The following TSHZ3 variants were observed in gnomAD, a reference collection of about 807,000 sequenced individuals.
The protein encoded by TSHZ3 is teashirt homolog 3.
TSHZ3 carries 10 observed loss-of-function variants against 64.5 expected under a neutral mutation model. The observed-to-expected ratio is 0.16, with a 90% CI of 0.10 to 0.26. The LOEUF (loss-of-function observed/expected upper bound fraction) is 0.26. TSHZ3 is among the 10% of genes least tolerant of loss of function. The pLI is 1.00. For synonymous variants in TSHZ3, 608 were observed against 593.1 expected (o/e 1.03, Z -0.36); for missense variants, 1,242 against 1,421.7 (o/e 0.87, Z 2.03).
chr19:31,348,866 G>C, intron 1 of TSHZ3: 2 of 324,462 alleles, frequency 6.2e-6, no homozygotes, highest in Admixed American at 5.0e-5. Flanking sequence ...CCCACAGAAA[G>C]AGCCAGGCCG....
intron 4 of TSHZ3, among the ~76,000 whole-genome samples, chr19:31,213,356 CAAAAAAAAAAAAAAAAAA>C (rs35192337): frequency 2.1e-4 from 5 of 23,310 alleles, no homozygotes; most frequent in South Asian, 5.7e-3. Context: ...GACTCTGTCT[CAAAAAAAAAAAAAAAAAA>C]AAAAAAAAAA....
intron 5 of TSHZ3, among the ~76,000 whole-genome samples, chr19:31,185,746 C>T (rs531260100): frequency 5.3e-5 from 8 of 152,316 alleles, no homozygotes; most frequent in East Asian, 1.9e-4. Flanking sequence ...TGCACAGCCA[C>T]GTGCAATTCA....
At chr19:31,165,352 T>C (rs1248522831) in intron 5 of TSHZ3, among the ~76,000 whole-genome samples, 2 of 152,194 alleles carry the variant, frequency 1.3e-5, no homozygotes, top group Admixed American at 6.5e-5. Flanking sequence ...TAGGATTTTT[T>C]CCCCACTGTG....
In TSHZ3 at chr19:31,279,601, G is replaced by A. The variant is rs375736734; in HGVS notation, c.192C>T (p.Ala64=). 5.1e-5 allele frequency: 83 copies of A among 1,612,018 alleles called. No homozygotes were observed. The highest frequency in any genetic ancestry group is 6.7e-5 in the East Asian group (3 of 44,858). The change falls in exon 2 of 2, where the codon GCC becomes GCT. Residue 64 remains alanine, a synonymous_variant. Coordinates refer to ENST00000240587, the MANE Select transcript of TSHZ3 (RefSeq NM_020856.4). This position sits in a 1 kb window ranked among gnomAD's most constrained non-coding sequence, Gnocchi z 6.4. ...RACPSYQNSP[A]AEFSCHEMDS... ...CCATTTCATGGCAGGAAAACTCGGCGGCCGGGGAGTTCTGGTAGCTGGGGC... is the reference window on the plus strand; with the variant it reads ...CCATTTCATGGCAGGAAAACTCGGCAGCCGGGGAGTTCTGGTAGCTGGGGC...
chr19:31,260,863 G>A (rs552894230), intron 1 of TSHZ3, among the ~76,000 whole-genome samples: 1 of 152,190 alleles, frequency 6.6e-6, no homozygotes, highest in Non-Finnish European at 1.5e-5. Flanking sequence ...TGAACTCAAA[G>A]GTTGTGAGAA....
intron 5 of TSHZ3, among the ~76,000 whole-genome samples, chr19:31,171,617 A>T (rs1170620606): frequency 6.6e-6 from 1 of 152,082 alleles, no homozygotes; most frequent in Admixed American, 6.5e-5. Flanking sequence ...AAAAGAAAAA[A>T]AAAAACCCAT....
chr19:31,251,332 G>T (rs139021168), intron 1 of TSHZ3, among the ~76,000 whole-genome samples: 48 of 152,292 alleles, frequency 3.2e-4, no homozygotes, highest in African/African-American at 1.1e-3. Flanking sequence ...AGCAAAGGAA[G>T]CTGAAACCCA....
intron 5 of TSHZ3, among the ~76,000 whole-genome samples, chr19:31,183,598 C>A (rs1974758364): frequency 6.6e-6 from 1 of 152,118 alleles, no homozygotes; most frequent in Non-Finnish European, 1.5e-5. Flanking sequence ...AGGTTGGGAA[C>A]CAGGTGTGTT....
intron 1 of TSHZ3, among the ~76,000 whole-genome samples, chr19:31,290,402 G>C (rs1976543104): frequency 6.6e-6 from 1 of 152,072 alleles, no homozygotes; most frequent in South Asian, 2.1e-4. Flanking sequence ...AGATGGCAGG[G>C]GGAAGTGTGG....
intron 5 of TSHZ3, among the ~76,000 whole-genome samples, chr19:31,175,185 C>T (rs1212884886): frequency 6.6e-6 from 1 of 152,198 alleles, no homozygotes; most frequent in Non-Finnish European, 1.5e-5. Flanking sequence ...TGGATAGACA[C>T]AGGTCAGTTT....
intron 1 of TSHZ3, among the ~76,000 whole-genome samples, chr19:31,282,322 C>T (rs932225841): frequency 1.3e-5 from 2 of 152,116 alleles, no homozygotes; most frequent in African/African-American, 2.4e-5. Context: ...AAACCCCACA[C>T]CCTGGGGATT....
At chr19:31,238,123 A>G (rs979746767) in intron 3 of TSHZ3, among the ~76,000 whole-genome samples, 1 of 152,106 alleles carries the variant, frequency 6.6e-6, no homozygotes, top group Non-Finnish European at 1.5e-5. Context: ...GGATATTGTT[A>G]TATTAATCTT....
intron 1 of TSHZ3, among the ~76,000 whole-genome samples, chr19:31,340,460 T>C (rs1193936339): frequency 7.9e-6 from 1 of 125,898 alleles, no homozygotes; most frequent in Admixed American, 8.9e-5. Flanking sequence ...CTGAAACTGA[T>C]CAAGAACATG....
chr19:31,292,292 G>A (rs1976580140), intron 1 of TSHZ3, among the ~76,000 whole-genome samples: 1 of 152,172 alleles, frequency 6.6e-6, no homozygotes, highest in South Asian at 2.1e-4. Flanking sequence ...GATTCTCAGG[G>A]GGTAGCTGAT....
chr19:31,274,560 C>T (rs750437183), downstream of TSHZ3, among the ~76,000 whole-genome samples: 15 of 152,140 alleles, frequency 9.9e-5, no homozygotes, highest in Admixed American at 2.6e-4. Context: ...CTTGACAGTG[C>T]AGGGCCCTGA....
chr19:31,183,950 A>G (rs889448300), intron 5 of TSHZ3, among the ~76,000 whole-genome samples: 1 of 152,132 alleles, frequency 6.6e-6, no homozygotes, highest in Non-Finnish European at 1.5e-5. Flanking sequence ...TCTTCCAACA[A>G]TGTGTCTCCC....
At chr19:31,339,807 G>A (rs566780834) in intron 1 of TSHZ3, among the ~76,000 whole-genome samples, 20 of 134,042 alleles carry the variant, frequency 1.5e-4, no homozygotes, top group African/African-American at 5.4e-4. Flanking sequence ...AAAAAAAAAA[G>A]GGGGGGGCGT....
At chr19:31,206,839 C>T (rs990986906) in intron 4 of TSHZ3, among the ~76,000 whole-genome samples, 1 of 152,104 alleles carries the variant, frequency 6.6e-6, no homozygotes, top group Non-Finnish European at 1.5e-5. Context: ...CAAAAAGCCA[C>T]GTTTATATTT....
chr19:31,188,467 A>T (rs1021945163), intron 5 of TSHZ3, among the ~76,000 whole-genome samples: 1 of 152,032 alleles, frequency 6.6e-6, no homozygotes, highest in Non-Finnish European at 1.5e-5. Flanking sequence ...GGGGAACTCT[A>T]TCAGATTGAG....
Sources: gnomAD v4.1 joint callset for allele counts (sites outside exome capture counted in the v4.1 genomes callset) on GRCh38, gnomAD v4.1.1 for gene constraint, Gnocchi (gnomAD v3.1) non-coding constraint, MANE v1.5 for transcripts, NCBI Gene and HGNC (gene_info 2026-07-23, HGNC 2026-07-21) for gene names.